The following LDHA variants were observed in gnomAD, a reference collection of about 807,000 sequenced individuals.
LDHA encodes lactate dehydrogenase A, also known as L-lactate dehydrogenase A chain.
Under a neutral mutation model 36.3 loss-of-function variants are expected in LDHA, and 10 were observed. The ratio of observed to expected loss-of-function variants is 0.28; its 90% CI spans 0.17 to 0.47. The LOEUF is 0.47. LDHA is among the 20% of genes least tolerant of loss of function. The pLI is 0.99. For missense variants in LDHA, 267 were observed against 405.8 expected, an observed-to-expected ratio of 0.66 and a Z score of 2.94; for synonymous variants, 110 against 136.7, an observed-to-expected ratio of 0.80 and a Z score of 1.36.
At chr11:18,401,691 A>C (rs1032267057) in intron 4 of LDHA, among the ~76,000 whole-genome samples, 5 of 145,818 alleles carry the variant, frequency 3.4e-5, no homozygotes, top group Admixed American at 2.8e-4. Flanking sequence ...GTTAGCCAGG[A>C]TGGTCTCGAT....
Position 18,407,492 on chromosome 11 carries a change from G to A in LDHA, c.*211G>A. On this transcript the variant is annotated 3_prime_UTR_variant, in exon 8 of 8. Coordinates refer to ENST00000422447, the MANE Select transcript of LDHA (RefSeq NM_005566.4). Reference sequence around the variant, plus strand: ...TGCTGGATGGTATTAATCTTGTGTAGTCTTCAACTGGTTAGTGTGAAATAG... The same window carrying A: ...TGCTGGATGGTATTAATCTTGTGTAATCTTCAACTGGTTAGTGTGAAATAG... 1.0e-6 allele frequency: 1 copy of A among 980,564 alleles called. No individual in the cohort carries two copies. The highest frequency in any genetic ancestry group is 2.0e-5 in the Admixed American group (1 of 50,310). The allele number at this position is 980,564 out of a possible 1,614,324, so 60.7% of individuals were successfully genotyped here.
chr11:18,404,024 G>T (rs575178047), intron 6 of LDHA, among the ~76,000 whole-genome samples: 2 of 152,080 alleles, frequency 1.3e-5, no homozygotes, highest in Non-Finnish European at 2.9e-5. Flanking sequence ...TCTGCCTCCC[G>T]GGTTCAGGCG....
At position 18,401,546 on chromosome 11, in the gene LDHA, T is replaced by C. The variant is rs981845978; in HGVS notation, c.418+536T>C. On this transcript the variant is annotated intron_variant, in intron 4 of 7. Coordinates refer to ENST00000422447, the MANE Select transcript of LDHA (RefSeq NM_005566.4). ...TGGCTGGAGTACAGTGGCTTGATCT[T>C]GGCTCACTGCAAGCTCCGCCTCCCG... 1.4e-4 allele frequency among the ~76,000 whole-genome samples: 21 copies of C among 145,182 alleles called. No homozygotes were observed. In the East Asian group the frequency reaches 2.7e-3, roughly 18 times the overall value.
Position 18,405,457 on chromosome 11 carries a change from A to G in LDHA, c.719A>G (p.Glu240Gly). 1.2e-6 allele frequency: 2 copies of G among 1,613,188 alleles called. No individual in the cohort carries two copies. Reference sequence around the variant, plus strand: ...GGTTTCCTATCATACAGTGCTTATGAGGTGATCAAACTCAAAGGCTACACA... The same window carrying G: ...GGTTTCCTATCATACAGTGCTTATGGGGTGATCAAACTCAAAGGCTACACA... ...VHKQVVESAY[E>G]VIKLKGYTSW... Residue 240 changes from glutamate (E) to glycine (G), a missense_variant, in exon 7 of 8, where the codon GAG becomes GGG. By Grantham distance (98) the Glu-to-Gly change is moderately conservative. Transcript: ENST00000422447.
intron 7 of LDHA, 55 bp from the exon 8 acceptor site, chr11:18,407,062 A>T: frequency 2.9e-6 from 4 of 1,375,824 alleles, no homozygotes; most frequent in Non-Finnish European, 3.0e-6. Context: ...GTCTTGGGAA[A>T]CCTGGGAATG....
chr11:18,399,289 T>C (rs1866399628), intron 2 of LDHA, 142 bp from the exon 3 acceptor site: 2 of 669,076 alleles, frequency 3.0e-6, no homozygotes, highest in Admixed American at 4.5e-5. Flanking sequence ...TGAAATGGGG[T>C]GCCCTCTACT....
intron 4 of LDHA, chr11:18,402,588 A>G (rs1434307998): frequency 2.4e-6 from 1 of 409,622 alleles, no homozygotes; most frequent in East Asian, 5.4e-5. Context: ...GTGAGTTGTC[A>G]TGCCCAGCCA....
intron 2 of LDHA, chr11:18,398,583 A>G (rs1369729182): frequency 1.9e-5 from 2 of 107,622 alleles, no homozygotes. Context: ...ACAGGCCTTC[A>G]CCATATTGGC....
intron 7 of LDHA, 180 bp downstream of exon 7, chr11:18,405,752 C>A: frequency 1.6e-6 from 1 of 636,222 alleles, no homozygotes; most frequent in Non-Finnish European, 2.7e-6. Context: ...GTCCATTAGG[C>A]CTGTTCAACA....
At position 18,399,577 on chromosome 11, in the gene LDHA, C is replaced by A. The variant is rs751792408; in HGVS notation, c.244+29C>A. ...GATTTCAACAAGTTTATATTATAATCCATGCTTGACTTAAATTCTTTTTCC... is the reference window on the plus strand; with the variant it reads ...GATTTCAACAAGTTTATATTATAATACATGCTTGACTTAAATTCTTTTTCC... On this transcript the variant is annotated intron_variant, in intron 3 of 7. Transcript: ENST00000422447. 110 of 1,443,484 alleles carry A rather than the reference C, an allele frequency of 7.6e-5. No individual in the cohort carries two copies. The Admixed American group carries it at 1.4e-3, about 18-fold the overall frequency. The allele number at this position is 1,443,484 out of a possible 1,614,324, so 89.4% of individuals were successfully genotyped here. A position where few individuals can be genotyped will look rare whatever the true frequency, so the allele number is the denominator to read the frequency against.
chr11:18,396,574 T>A, intron 1 of LDHA: 1 of 1,388,002 alleles, frequency 7.2e-7, no homozygotes, highest in Non-Finnish European at 9.3e-7. Context: ...GAGGCTATAC[T>A]TACACCCAAA....
intron 5 of LDHA, among the ~76,000 whole-genome samples, chr11:18,403,312 G>A (rs1866566905): frequency 6.6e-6 from 1 of 152,060 alleles, no homozygotes; most frequent in Admixed American, 6.6e-5. Flanking sequence ...TACCTGACTT[G>A]TACTGCCTGG....
At chr11:18,398,456 G>T (rs1228898041) in intron 2 of LDHA, among the ~76,000 whole-genome samples, 1 of 151,646 alleles carries the variant, frequency 6.6e-6, no homozygotes, top group African/African-American at 2.4e-5. Flanking sequence ...GCAGTGGCAC[G>T]ATCTTGGCTC....
intron 1 of LDHA, among the ~76,000 whole-genome samples, chr11:18,395,598 C>A (rs900107383): frequency 4.6e-5 from 7 of 152,166 alleles, no homozygotes; most frequent in Non-Finnish European, 1.0e-4. Flanking sequence ...TAAGGAGAGA[C>A]CCGGCTCCAG....
In LDHA at chr11:18,403,713, G is replaced by C. The variant is rs1220393077; in HGVS notation, c.612G>C (p.Met204Ile). 1 of 1,597,388 alleles carries C rather than the reference G, an allele frequency of 6.3e-7. No homozygotes were observed. Among genetic ancestry groups the C allele is most frequent in the South Asian group, 1.1e-5 (1 of 90,716 alleles). Residue 204 changes from methionine (M) to isoleucine (I), a missense_variant, in exon 6 of 8, where the codon ATG becomes ATC. Met to Ile is a conservative substitution (Grantham distance 10). Transcript: ENST00000422447. ...GDSSVPVWSG[M>I]NVAGVSLKTL... ...TTTTAGTGCCTGTATGGAGTGGAAT[G>C]AATGTTGCTGGTGTCTCTCTGAAGA... is the stretch of plus-strand genomic sequence containing the variant.
chr11:18,402,196 C>T (rs921404808), intron 4 of LDHA, among the ~76,000 whole-genome samples: 1 of 151,574 alleles, frequency 6.6e-6, no homozygotes, highest in African/African-American at 2.4e-5. Context: ...CTCAGGTGAT[C>T]CATCTGCCTC....
At chr11:18,403,574 C>A in intron 5 of LDHA, 120 bp from the exon 6 acceptor site, 1 of 773,842 alleles carries the variant, frequency 1.3e-6, no homozygotes. Context: ...CATTAGTAGT[C>A]TTGACCATCT....
At chr11:18,395,832 A>T (rs574658360) in intron 1 of LDHA, among the ~76,000 whole-genome samples, 6 of 152,208 alleles carry the variant, frequency 3.9e-5, no homozygotes, top group Non-Finnish European at 7.3e-5. Context: ...AGCTATTTCT[A>T]CACTCCCTGT....
Position 18,398,629 on chromosome 11 carries a change from T to TTTTTTTTTTC in LDHA, c.127-802_127-801insTTTTTTTTTC, listed in dbSNP as rs1554960741. On this transcript the variant is annotated intron_variant, in intron 2 of 7. Transcript: ENST00000422447. Reference sequence around the variant, plus strand: ...TTTTTTTTTTTTTTTTTTTTTTTTTTCTGAGAAGGAGTCTCGCCGTGTCGC... The same window carrying TTTTTTTTTTC: ...TTTTTTTTTTTTTTTTTTTTTTTTTTTTTTTTTTTCCTGAGAAGGAGTCTCGCCGTGTCGC... 113 of 87,656 alleles carry TTTTTTTTTTC rather than the reference T, an allele frequency of 1.3e-3. 14 individuals are homozygous for TTTTTTTTTTC. Among genetic ancestry groups the TTTTTTTTTTC allele is most frequent in the African/African-American group, 4.4e-3 (108 of 24,544 alleles). The allele number at this position is 87,656 out of a possible 1,614,324, so 5.4% of individuals were successfully genotyped here. A position where few individuals can be genotyped will look rare whatever the true frequency, so the allele number is the denominator to read the frequency against.
Sources: allele counts gnomAD v4.1 joint callset (sites outside exome capture counted in the v4.1 genomes callset), GRCh38; gene constraint gnomAD v4.1.1; transcripts MANE v1.5; gene names NCBI Gene and HGNC (gene_info 2026-07-23, HGNC 2026-07-21).